FRAS1: variants seen among roughly 807,000 people sequenced by gnomAD.
FRAS1 encodes Fraser extracellular matrix complex subunit 1.
A neutral mutation model predicts 435.2 loss-of-function variants in FRAS1; 290 were observed. The observed-to-expected ratio is 0.67, with a 90% confidence interval of 0.61 to 0.73. The LOEUF is 0.73. Ranked by LOEUF, FRAS1 falls within the 30% of genes least tolerant of loss-of-function variation. FRAS1 has a pLI of 0.00. For synonymous variants in FRAS1, 1,800 were observed against 1,851.0 expected (o/e 0.97, Z 0.71); for missense variants, 4,860 against 5,001.5 (o/e 0.97, Z 0.85).
At chr4:78,280,954 C>T (rs891734659) in intron 10 of FRAS1, among the ~76,000 whole-genome samples, 5 of 152,086 alleles carry the variant, frequency 3.3e-5, no homozygotes, top group African/African-American at 1.2e-4. Context: ...TAAAGCCTCC[C>T]TATAAATATT....
At chr4:78,238,282 A>C (rs1288547878) in intron 3 of FRAS1, among the ~76,000 whole-genome samples, 7 of 146,628 alleles carry the variant, frequency 4.8e-5, no homozygotes, top group African/African-American at 1.7e-4. Context: ...TTCTGACTAC[A>C]CATCTATTCT....
intron 2 of FRAS1, among the ~76,000 whole-genome samples, chr4:78,171,263 C>G (rs1397681512): frequency 6.6e-6 from 1 of 152,026 alleles, no homozygotes; most frequent in Non-Finnish European, 1.5e-5. Context: ...CCTCCCTGTC[C>G]CTCTCAGGGT....
intron 1 of FRAS1, among the ~76,000 whole-genome samples, chr4:78,059,763 G>A (rs1009356774): frequency 4.6e-5 from 7 of 151,672 alleles, no homozygotes; most frequent in Non-Finnish European, 1.0e-4. Context: ...TTATTATTAA[G>A]AGCCTGCAGG....
rs1450110340 is a variant in FRAS1 at position 78,439,657 on chromosome 4, A to G, written c.5529+593A>G. 2.6e-5 allele frequency among the ~76,000 whole-genome samples: 4 copies of G among 151,554 alleles called. No homozygotes were observed. In the East Asian group the frequency reaches 7.7e-4, roughly 29 times the overall value. ...TTTCCTTGTCTTTTTTAATTCTCTT[A>G]TTTATTTTTATTTATTTTTAAGAGA... On this transcript the variant is annotated intron_variant, in intron 40 of 73. Transcript: ENST00000512123.
intron 9 of FRAS1, among the ~76,000 whole-genome samples, chr4:78,274,430 C>T (rs1156228643): frequency 5.3e-5 from 8 of 152,094 alleles, no homozygotes; most frequent in Non-Finnish European, 2.9e-5. Flanking sequence ...TAGATCTTTC[C>T]TGCTTTCTCT....
At chr4:78,482,364 A>G in intron 57 of FRAS1, 24 bp from the exon 58 acceptor site, 1 of 1,613,534 alleles carries the variant, frequency 6.2e-7, no homozygotes, top group South Asian at 1.1e-5. Flanking sequence ...TCCTCTGTCA[A>G]GTTTGCTTTG....
chr4:78,220,494 G>C (rs1724007195), intron 2 of FRAS1, among the ~76,000 whole-genome samples: 2 of 152,146 alleles, frequency 1.3e-5, no homozygotes, highest in Admixed American at 6.5e-5. Flanking sequence ...ACAATGTCGA[G>C]GTTGAGACAA....
Position 78,441,198 on chromosome 4 carries a change from C to G in FRAS1, c.5566C>G (p.His1856Asp). The change falls in exon 41 of 74, where the codon CAT becomes GAT. Residue 1856 changes from histidine (H) to aspartate (D), a missense_variant. Coordinates refer to ENST00000512123, the MANE Select transcript of FRAS1 (RefSeq NM_025074.7). ...EGGRAPLSFH[H>D]FFATDDDDNL... is the part of the protein sequence containing the mutation. ...AGGGAGAGCACCACTCTCATTTCAC[C>G]ATTTTTTTGCTACTGATGATGATGA... The G allele has an allele frequency of 6.2e-7, 1 of 1,613,762 alleles. No individual in the cohort carries two copies. Among genetic ancestry groups the G allele is most frequent in the Non-Finnish European group, 8.5e-7 (1 of 1,179,776 alleles).
intron 38 of FRAS1, among the ~76,000 whole-genome samples, chr4:78,435,466 C>A (rs955069506): frequency 6.6e-6 from 1 of 152,014 alleles, no homozygotes; most frequent in African/African-American, 2.4e-5. Flanking sequence ...TAGCTGGGTG[C>A]GGTGGCTCAT....
intron 14 of FRAS1, among the ~76,000 whole-genome samples, chr4:78,295,669 C>T (rs1414832624): frequency 6.6e-6 from 1 of 152,056 alleles, no homozygotes; most frequent in African/African-American, 2.4e-5. Context: ...TTTTAAATAA[C>T]TACACTAATG....
rs1725948501 is a variant in FRAS1, at chr4:78,259,121, G to GGC, written c.603+3746_603+3747insGC. Among the ~76,000 whole-genome samples, 4 of 66,218 alleles carry GGC rather than the reference G, an allele frequency of 6.0e-5. No homozygotes were observed. In the Admixed American group the frequency reaches 6.4e-4, roughly 11 times the overall value. The allele number at this position is 66,218 out of a possible 152,430, so 43.4% of individuals were successfully genotyped here. A position where few individuals can be genotyped will look rare whatever the true frequency, so the allele number is the denominator to read the frequency against. On this transcript the variant is annotated intron_variant, in intron 6 of 73. Transcript: ENST00000512123. The stretch of plus-strand genomic sequence containing the variant: ...CAGTCTATCATTGTTGGACATTTGT[G>GGC]TTGGTTCCAAGTCTTTGCTATTATG...
Position 78,448,186 on chromosome 4 carries a change from C to G in FRAS1, c.6144C>G (p.Val2048=). The stretch of plus-strand genomic sequence containing the variant: ...ATGTGCCTAGTGTCCCTGGCATGGT[C>G]GTGGATGAGTTCCAGTTCTCCCTCA... ...VGYVPSVPGM[V]VDEFQFSLTD... Residue 2048 remains valine (V), a synonymous_variant, in exon 44 of 74, where the codon GTC becomes GTG. Transcript: ENST00000512123. 6.2e-7 allele frequency: 1 copy of G among 1,613,484 alleles called. No individual in the cohort carries two copies. Among genetic ancestry groups the G allele is most frequent in the Non-Finnish European group, 8.5e-7 (1 of 1,179,802 alleles).
intron 2 of FRAS1, among the ~76,000 whole-genome samples, chr4:78,067,129 A>C (rs1740077724): frequency 6.6e-6 from 1 of 152,172 alleles, no homozygotes; most frequent in Non-Finnish European, 1.5e-5. Flanking sequence ...AAAGAGAATT[A>C]TTTATTGTGT....
rs1730226698 is a variant in FRAS1, at chr4:78,337,714, G to A, written c.2319G>A (p.Glu773=). ...GCAGGCAGTGTCATGGGCCGTTGGA[G>A]TCTGACTGCATCTCCTGTTACCCTC... ...PTCRQCHGPL[E]SDCISCYPHI... The change falls in exon 20 of 74, where the codon GAG becomes GAA. Residue 773 remains glutamate, a synonymous_variant. Coordinates refer to ENST00000512123, the MANE Select transcript of FRAS1 (RefSeq NM_025074.7). 3 of 1,613,844 alleles carry A rather than the reference G, an allele frequency of 1.9e-6. No homozygotes were observed. The highest frequency in any genetic ancestry group is 2.7e-5 in the African/African-American group (2 of 74,924).
intron 3 of FRAS1, among the ~76,000 whole-genome samples, chr4:78,243,897 G>A (rs1236283039): frequency 6.6e-6 from 1 of 152,016 alleles, no homozygotes; most frequent in African/African-American, 2.4e-5. Context: ...TTTTCAATCT[G>A]TATGAAATTC....
intron 2 of FRAS1, among the ~76,000 whole-genome samples, chr4:78,113,009 G>T (rs1340055565): frequency 6.6e-6 from 1 of 152,050 alleles, no homozygotes; most frequent in African/African-American, 2.4e-5. Flanking sequence ...CCCAGTGTGT[G>T]ATGTTCCCCT....
At chr4:78,485,869 C>T (rs895616792) in intron 58 of FRAS1, among the ~76,000 whole-genome samples, 3 of 152,192 alleles carry the variant, frequency 2.0e-5, no homozygotes, top group East Asian at 1.9e-4. Context: ...CAATGCTAAC[C>T]GTCACTCAAG....
rs1418148531 is a variant in FRAS1 at position 78,237,565 on chromosome 4, T to C, written c.164T>C (p.Ile55Thr). ...SCQSCRCHGD[I>T]VICKPAVCRN... ...CAGAGCTGCCGTTGCCATGGTGATA[T>C]TGTTATCTGCAAACCTGCTGTTTGC... Residue 55 changes from isoleucine to threonine, a missense_variant, in exon 3 of 74, where the codon ATT becomes ACT. Transcript: ENST00000512123. The C allele has an allele frequency of 2.5e-6, 4 of 1,613,356 alleles. No homozygotes were observed. Among genetic ancestry groups the C allele is most frequent in the Non-Finnish European group, 3.4e-6 (4 of 1,179,532 alleles).
chr4:78,385,618 G>C (rs1367091272), intron 28 of FRAS1, among the ~76,000 whole-genome samples: 1 of 152,146 alleles, frequency 6.6e-6, no homozygotes, highest in Non-Finnish European at 1.5e-5. Flanking sequence ...GGGCTCAGTG[G>C]CTTATGCCTG....
Sources: allele counts gnomAD v4.1 joint callset (sites outside exome capture counted in the v4.1 genomes callset), GRCh38; gene constraint gnomAD v4.1.1; transcripts MANE v1.5; gene names NCBI Gene and HGNC (gene_info 2026-07-23, HGNC 2026-07-21).